Variants in MAGI2 observed in about 807,000 individuals in gnomAD.
MAGI2 encodes the protein membrane-associated guanylate kinase, WW and PDZ domain-containing protein 2.
In MAGI2, 35 loss-of-function variants were observed where a neutral mutation model predicts 133.3. That is an observed-to-expected ratio of 0.26 (90% confidence interval 0.20 to 0.35). The LOEUF is 0.35. MAGI2 is among the 10% of genes least tolerant of loss of function. MAGI2 has a pLI of 1.00. For synonymous variants in MAGI2, 729 were observed against 710.6 expected, an observed-to-expected ratio of 1.03 and a Z score of -0.41; for missense variants, 1,636 against 1,863.4, an observed-to-expected ratio of 0.88 and a Z score of 2.25.
intron 1 of MAGI2, among the ~76,000 whole-genome samples, chr7:79,251,481 A>C (rs1833268115): frequency 6.6e-6 from 1 of 152,216 alleles, no homozygotes. Context: ...AACAGCCATA[A>C]GAAAAGGTGC....
intron 1 of MAGI2, among the ~76,000 whole-genome samples, chr7:79,024,973 T>A (rs1014443902): frequency 2.7e-4 from 41 of 152,270 alleles, no homozygotes; most frequent in African/African-American, 8.9e-4. Context: ...AAAATAGATC[T>A]ACTATTTGAC....
chr7:78,484,222 A>G (rs1325558476), intron 6 of MAGI2: 1 of 151,988 alleles, frequency 6.6e-6, no homozygotes, highest in Non-Finnish European at 1.5e-5. Flanking sequence ...GTTTTCTACT[A>G]TTTCAGAAAG....
intron 9 of MAGI2, among the ~76,000 whole-genome samples, chr7:78,291,284 T>C (rs770271198): frequency 6.6e-6 from 1 of 152,114 alleles, no homozygotes; most frequent in Non-Finnish European, 1.5e-5. Flanking sequence ...CAAACTACCA[T>C]CACAGAATAC....
intron 13 of MAGI2, among the ~76,000 whole-genome samples, chr7:78,178,508 C>A (rs1025352980): frequency 2.6e-5 from 4 of 152,072 alleles, no homozygotes; most frequent in Non-Finnish European, 4.4e-5. Context: ...TGGCAAAACC[C>A]TGGAACTGTC....
At chr7:79,416,803 C>G (rs2129175936) in intron 1 of MAGI2, among the ~76,000 whole-genome samples, 1 of 141,962 alleles carries the variant, frequency 7.0e-6, no homozygotes, top group East Asian at 2.1e-4. Flanking sequence ...GGCGCAATCT[C>G]AGCTCACTGC....
chr7:79,377,132 G>A (rs1843438181), intron 1 of MAGI2, among the ~76,000 whole-genome samples: 1 of 151,534 alleles, frequency 6.6e-6, no homozygotes, highest in East Asian at 1.9e-4. Flanking sequence ...CATAACTAAC[G>A]ACTACAACTT....
At chr7:78,894,809 A>T (rs1797073574) in intron 2 of MAGI2, among the ~76,000 whole-genome samples, 1 of 152,240 alleles carries the variant, frequency 6.6e-6, no homozygotes, top group Non-Finnish European at 1.5e-5. Flanking sequence ...TAATCCTCAC[A>T]CATTCGACTT....
rs537593981 is a variant in MAGI2 at position 78,535,151 on chromosome 7, A to T, written c.539-13506T>A. 2.0e-5 allele frequency among the ~76,000 whole-genome samples: 3 copies of T among 152,316 alleles called. No homozygotes were observed. In the South Asian group the frequency reaches 6.2e-4, roughly 32 times the overall value. On this transcript the variant is annotated intron_variant, in intron 3 of 21. Coordinates refer to ENST00000354212, the MANE Select transcript of MAGI2 (RefSeq NM_012301.4). ...CATCTCAAAAAAGAAAAGAAAATAA[A>T]AAAATGAGTAAAATGAAGTAAAGGC... is the stretch of plus-strand genomic sequence containing the variant.
chr7:79,107,770 C>T (rs1818566922), intron 1 of MAGI2, among the ~76,000 whole-genome samples: 1 of 152,172 alleles, frequency 6.6e-6, no homozygotes, highest in African/African-American at 2.4e-5. Context: ...AGTCTAATGT[C>T]ATTGGTCATC....
Position 78,818,583 on chromosome 7 carries a change from C to G in MAGI2, c.418+188507G>C, listed in dbSNP as rs542982845. Among the ~76,000 whole-genome samples, 4 of 152,218 alleles carry G rather than the reference C, an allele frequency of 2.6e-5. No individual in the cohort carries two copies. The East Asian group carries it at 7.7e-4, about 29-fold the overall frequency. On this transcript the variant is annotated intron_variant, in intron 2 of 21. Coordinates refer to ENST00000354212, the MANE Select transcript of MAGI2 (RefSeq NM_012301.4). ...TTAATGCTATTTTCCTCATATTACA[C>G]AAATTATTCTTGAAGTAAGGAAAAA...
At chr7:78,297,991 AAAAAG>A (rs1797453627) in intron 9 of MAGI2, among the ~76,000 whole-genome samples, 1 of 151,772 alleles carries the variant, frequency 6.6e-6, no homozygotes, top group Admixed American at 6.6e-5. Context: ...ATAATTAAAA[AAAAAG>A]AATTGTCTGG....
intron 3 of MAGI2, among the ~76,000 whole-genome samples, chr7:78,599,914 C>T (rs889135550): frequency 2.0e-5 from 3 of 152,144 alleles, no homozygotes; most frequent in African/African-American, 7.2e-5. Context: ...CCAGAGAGAA[C>T]CTTTCGTGTG....
intron 2 of MAGI2, among the ~76,000 whole-genome samples, chr7:78,988,084 G>T (rs1471715825): frequency 1.3e-5 from 2 of 151,936 alleles, no homozygotes; most frequent in Non-Finnish European, 2.9e-5. Context: ...TTCAACGTGG[G>T]CCAGGACAGC....
At chr7:78,132,753 A>G (rs567772347) in intron 18 of MAGI2, 136 bp downstream of exon 18, 107 of 1,303,304 alleles carry the variant, frequency 8.2e-5, no homozygotes, top group Non-Finnish European at 1.1e-4. Context: ...CAACCTCGAA[A>G]TCACACAAAG....
intron 2 of MAGI2, among the ~76,000 whole-genome samples, chr7:78,697,484 C>T (rs1388238809): frequency 1.3e-5 from 2 of 152,192 alleles, no homozygotes; most frequent in African/African-American, 4.8e-5. Context: ...TTTCTGAAAG[C>T]TTTGGCTTTC....
intron 1 of MAGI2, among the ~76,000 whole-genome samples, chr7:79,205,615 A>T (rs1272930345): frequency 6.6e-6 from 1 of 151,930 alleles, no homozygotes; most frequent in Non-Finnish European, 1.5e-5. Context: ...AATTTGGTGT[A>T]TAAATTTCTA....
At chr7:78,414,785 A>G (rs1037136485) in intron 6 of MAGI2, among the ~76,000 whole-genome samples, 2 of 152,098 alleles carry the variant, frequency 1.3e-5, no homozygotes, top group African/African-American at 4.8e-5. Context: ...CAGAGCAAAA[A>G]TAGGCTTGAC....
At chr7:78,034,933 C>G (rs542040306) in intron 21 of MAGI2, 1 of 152,440 alleles carries the variant, frequency 6.6e-6, no homozygotes, top group South Asian at 2.1e-4. Flanking sequence ...ATTCATTCAC[C>G]TGTTCAAGTT....
intron 2 of MAGI2, among the ~76,000 whole-genome samples, chr7:78,811,759 A>G (rs1421998781): frequency 2.0e-5 from 3 of 152,226 alleles, no homozygotes; most frequent in Non-Finnish European, 2.9e-5. Flanking sequence ...GCTGGAAGAT[A>G]TATCTTTAAA....
Sources: allele counts gnomAD v4.1 joint callset (sites outside exome capture counted in the v4.1 genomes callset), GRCh38; gene constraint gnomAD v4.1.1; transcripts MANE v1.5; gene names NCBI Gene and HGNC (gene_info 2026-07-23, HGNC 2026-07-21).